The following ME2 variants were observed in gnomAD, a reference collection of about 807,000 sequenced individuals.
ME2 encodes malic enzyme 2.
ME2 carries 60 observed loss-of-function variants against 73.7 expected under a neutral mutation model. That is an observed-to-expected ratio of 0.81 (90% confidence interval 0.66 to 1.01). The LOEUF (loss-of-function observed/expected upper bound fraction) is 1.01, where lower values mean the gene tolerates loss of function less well. Among genes scored for constraint, ME2 ranks in the 50% least tolerant of loss-of-function variants. The pLI is 0.00. For missense variants in ME2, 594 were observed against 705.5 expected (o/e 0.84, Z 1.79); for synonymous variants, 199 against 236.9 (o/e 0.84, Z 1.47).
At chr18:50,895,642 TAA>T (rs1323816208) in intron 1 of ME2, among the ~76,000 whole-genome samples, 165 bp from the exon 2 acceptor site, 1 of 152,200 alleles carries the variant, frequency 6.6e-6, no homozygotes, top group Non-Finnish European at 1.5e-5. Flanking sequence ...CCCAAGAACA[TAA>T]GAGTGTTATC....
rs149251960 is a variant in ME2 at position 50,911,298 on chromosome 18, C to G, written c.243-1503C>G. 2.7e-4 allele frequency among the ~76,000 whole-genome samples: 41 copies of G among 152,298 alleles called. No individual in the cohort carries two copies. The East Asian group carries it at 6.2e-3, about 23-fold the overall frequency. On this transcript the variant is annotated intron_variant, in intron 3 of 15. Transcript: ENST00000321341. ...TCCCTTTAATTTCTATCTGTTGATA[C>G]CATTTCTTCCACTATTAGCTATGTA...
Position 50,939,644 on chromosome 18 carries a change from A to G in ME2, c.1488+4A>G. On this transcript the variant is annotated splice_donor_region_variant and intron_variant, in intron 14 of 15. Transcript: ENST00000321341. ...TGTTTTCCTAGAAGCTGCAAAGGTAAATGTTTTAAATGTTGTTTATTTTAT... is the reference window on the plus strand; with the variant it reads ...TGTTTTCCTAGAAGCTGCAAAGGTAGATGTTTTAAATGTTGTTTATTTTAT... The G allele has an allele frequency of 6.3e-7, 1 of 1,578,566 alleles. No individual in the cohort carries two copies. The highest frequency in any genetic ancestry group is 1.1e-5 in the South Asian group (1 of 90,164).
chr18:50,915,072 G>A (rs1482960998), intron 4 of ME2, among the ~76,000 whole-genome samples: 1 of 151,428 alleles, frequency 6.6e-6, no homozygotes, highest in African/African-American at 2.4e-5. Context: ...TGCCACCCCT[G>A]AGACAGGAAG....
chr18:50,932,842 G>A (rs1361478453), intron 13 of ME2: 1 of 152,646 alleles, frequency 6.6e-6, no homozygotes, highest in African/African-American at 2.4e-5. Flanking sequence ...TTTTAGTAGA[G>A]ATGGGGTTTC....
At chr18:50,922,623 A>G (rs1917455624) in intron 10 of ME2, among the ~76,000 whole-genome samples, 1 of 152,234 alleles carries the variant, frequency 6.6e-6, no homozygotes, top group South Asian at 2.1e-4. Flanking sequence ...CAGGTCTAAC[A>G]CAGTATTGGT....
intron 6 of ME2, 43 bp from the exon 7 acceptor site, chr18:50,918,067 A>G: frequency 7.7e-7 from 1 of 1,305,576 alleles, no homozygotes; most frequent in Non-Finnish European, 1.1e-6. Flanking sequence ...GTTTAAACTG[A>G]TTATATAAAT....
Position 50,940,490 on chromosome 18 carries a change from A to G in ME2, c.1587+104A>G. Reference sequence around the variant, plus strand: ...ATCTGAAACATTTAGAAGGCTGCAAAGAAGAAATTTTAGGCCCATATTCTT... The same window carrying G: ...ATCTGAAACATTTAGAAGGCTGCAAGGAAGAAATTTTAGGCCCATATTCTT... On this transcript the variant is annotated intron_variant, in intron 15 of 15. Coordinates refer to ENST00000321341, the MANE Select transcript of ME2 (RefSeq NM_002396.5). 4.9e-6 allele frequency: 4 copies of G among 816,034 alleles called. No homozygotes were observed. The South Asian group carries it at 7.3e-5, about 15-fold the overall frequency. 50.5% of individuals were successfully genotyped at this position (816,034 alleles called of 1,614,324 possible).
intron 2 of ME2, among the ~76,000 whole-genome samples, chr18:50,902,315 C>T (rs1052130538): frequency 1.3e-5 from 2 of 152,126 alleles, no homozygotes; most frequent in African/African-American, 4.8e-5. Context: ...CCGGCTAGTT[C>T]TTTAATAAAT....
chr18:50,886,792 G>A (rs930856128), intron 1 of ME2, among the ~76,000 whole-genome samples: 9 of 152,104 alleles, frequency 5.9e-5, no homozygotes. Context: ...ATTGAGGCCA[G>A]GAGTTTGAGA....
intron 7 of ME2, 25 bp from the exon 8 acceptor site, chr18:50,920,431 C>A: frequency 6.9e-7 from 1 of 1,452,744 alleles, no homozygotes; most frequent in Non-Finnish European, 9.5e-7. Context: ...TTCAACACAA[C>A]TATTGTGGGT....
chr18:50,919,493 CCTT>C (rs986461325), intron 7 of ME2, among the ~76,000 whole-genome samples: 2 of 152,136 alleles, frequency 1.3e-5, no homozygotes, highest in African/African-American at 4.8e-5. Context: ...CCAAATAGTA[CCTT>C]CTTAGTTACC....
intron 3 of ME2, 131 bp from the exon 4 acceptor site, chr18:50,912,670 G>GA: frequency 1.3e-6 from 1 of 764,612 alleles, no homozygotes; most frequent in Non-Finnish European, 1.9e-6. Context: ...AAGGTTTTGG[G>GA]TTTTTTTTAG....
At chr18:50,924,382 A>G (rs1183366840) in intron 11 of ME2, among the ~76,000 whole-genome samples, 170 bp downstream of exon 11, 2 of 151,046 alleles carry the variant, frequency 1.3e-5, no homozygotes, top group African/African-American at 5.0e-5. Context: ...CAGTTACCAG[A>G]TGTTGCTTTA....
intron 11 of ME2, 33 bp downstream of exon 11, chr18:50,924,245 T>C: frequency 7.2e-7 from 1 of 1,393,436 alleles, no homozygotes; most frequent in Non-Finnish European, 1.0e-6. Flanking sequence ...ATAATTTTAC[T>C]CCCTAACTGT....
At chr18:50,932,429 T>C in intron 13 of ME2, 69 bp downstream of exon 13, 1 of 1,277,410 alleles carries the variant, frequency 7.8e-7, no homozygotes. Flanking sequence ...TGGAATTCTT[T>C]GGAATGGGAG....
chr18:50,940,750 G>A (rs558681681), intron 15 of ME2, among the ~76,000 whole-genome samples: 35 of 152,320 alleles, frequency 2.3e-4, no homozygotes, highest in African/African-American at 8.2e-4. Flanking sequence ...ACTGGCATGA[G>A]CCACAGCACC....
At chr18:50,906,555 C>T (rs570657904) in intron 2 of ME2, among the ~76,000 whole-genome samples, 11 of 152,256 alleles carry the variant, frequency 7.2e-5, no homozygotes, top group South Asian at 2.1e-4. Context: ...TCAGGTGATC[C>T]GCCCACCTTG....
chr18:50,943,084 C>T (rs1918001638), intron 15 of ME2, among the ~76,000 whole-genome samples: 1 of 150,412 alleles, frequency 6.6e-6, no homozygotes, highest in African/African-American at 2.4e-5. Flanking sequence ...TGCCACCACA[C>T]CTGGCTAACA....
At chr18:50,901,332 G>T (rs746456441) in intron 2 of ME2, among the ~76,000 whole-genome samples, 31 of 152,250 alleles carry the variant, frequency 2.0e-4, no homozygotes, top group South Asian at 2.1e-4. Flanking sequence ...TAAAGAGTCT[G>T]ATTTGTATTA....
Sources: gnomAD v4.1 joint callset for allele counts (sites outside exome capture counted in the v4.1 genomes callset) on GRCh38, gnomAD v4.1.1 for gene constraint, MANE v1.5 for transcripts, NCBI Gene and HGNC (gene_info 2026-07-23, HGNC 2026-07-21) for gene names.